FRMD4A: variants seen among roughly 807,000 people sequenced by gnomAD.
FRMD4A encodes the protein FERM domain-containing protein 4A.
A neutral mutation model predicts 129.1 loss-of-function variants in FRMD4A; 29 were observed. That is an observed-to-expected ratio of 0.22 (90% confidence interval 0.17 to 0.31). The LOEUF (loss-of-function observed/expected upper bound fraction) is 0.31. FRMD4A is among the 10% of genes least tolerant of loss of function. The pLI is 1.00. For missense variants in FRMD4A, 1,272 were observed against 1,375.8 expected (o/e 0.92, Z 1.19); for synonymous variants, 634 against 571.6 (o/e 1.11, Z -1.56).
chr10:14,243,923 T>A (rs1276404118), intron 2 of FRMD4A, among the ~76,000 whole-genome samples: 5 of 151,926 alleles, frequency 3.3e-5, no homozygotes, highest in Admixed American at 2.6e-4. Context: ...GTTGTATATC[T>A]AAAATAAAAG....
intron 2 of FRMD4A, among the ~76,000 whole-genome samples, chr10:13,922,612 C>G (rs1016864078): frequency 6.6e-6 from 1 of 152,234 alleles, no homozygotes; most frequent in African/African-American, 2.4e-5. Context: ...CAAACCTCTA[C>G]TTGAACTAGA....
At chr10:14,187,077 C>A (rs1392258728) in intron 2 of FRMD4A, among the ~76,000 whole-genome samples, 1 of 145,458 alleles carries the variant, frequency 6.9e-6, no homozygotes, top group Admixed American at 6.8e-5. Flanking sequence ...TGTGATCATG[C>A]CTTTGTACTC....
At chr10:13,902,021 ATTTG>A (rs1222459254) in intron 2 of FRMD4A, among the ~76,000 whole-genome samples, 1 of 152,012 alleles carries the variant, frequency 6.6e-6, no homozygotes, top group Non-Finnish European at 1.5e-5. Context: ...TTTTTTGTAT[ATTTG>A]TTTGTTTTAG....
intron 2 of FRMD4A, among the ~76,000 whole-genome samples, chr10:13,916,413 C>A (rs1589262060): frequency 6.6e-6 from 1 of 152,334 alleles, no homozygotes; most frequent in African/African-American, 2.4e-5. Flanking sequence ...TTTTGGGGAT[C>A]CCAGCCCAGG....
intron 12 of FRMD4A, among the ~76,000 whole-genome samples, chr10:13,715,417 G>A (rs2088683178): frequency 6.6e-6 from 1 of 152,192 alleles, no homozygotes; most frequent in Non-Finnish European, 1.5e-5. Flanking sequence ...GAATAGCATG[G>A]ATTAAAAGCA....
At chr10:13,716,197 T>G (rs2088786618) in intron 12 of FRMD4A, among the ~76,000 whole-genome samples, 1 of 152,194 alleles carries the variant, frequency 6.6e-6, no homozygotes, top group South Asian at 2.1e-4. Flanking sequence ...TTTGGGGTTG[T>G]TTATTCCTAG....
chr10:14,238,384 A>G (rs1843908708), intron 2 of FRMD4A, among the ~76,000 whole-genome samples: 1 of 152,240 alleles, frequency 6.6e-6, no homozygotes, highest in South Asian at 2.1e-4. Context: ...GAAATTCGAT[A>G]GTCACCAACT....
In FRMD4A at chr10:14,023,463, C is replaced by T. The variant is rs1407227928; in HGVS notation, c.46-164551G>A. Among the ~76,000 whole-genome samples the T allele has an allele frequency of 2.8e-4, 42 of 152,238 alleles. 1 individual carries two copies. The highest frequency in any genetic ancestry group is 2.6e-3 in the Admixed American group (39 of 15,290). The stretch of plus-strand genomic sequence containing the variant: ...TCCATAGCCTTCTCCAGCTGCGAGA[C>T]GCAGACTGGCGGGTCCTGGAAAGGT... On this transcript the variant is annotated intron_variant, in intron 2 of 24. Coordinates refer to ENST00000357447, the MANE Select transcript of FRMD4A (RefSeq NM_018027.5).
chr10:14,311,125 C>T (rs1846532659), intron 2 of FRMD4A, among the ~76,000 whole-genome samples: 1 of 152,128 alleles, frequency 6.6e-6, no homozygotes, highest in African/African-American at 2.4e-5. Flanking sequence ...CTCTGTGTGT[C>T]TGTGGCCACC....
At chr10:14,109,189 C>T (rs1016078407) in intron 2 of FRMD4A, among the ~76,000 whole-genome samples, 1 of 147,706 alleles carries the variant, frequency 6.8e-6, no homozygotes. Flanking sequence ...TAGGGAGATA[C>T]TGGTTGAATA....
intron 2 of FRMD4A, among the ~76,000 whole-genome samples, chr10:14,210,166 C>A (rs1426159380): frequency 6.6e-6 from 1 of 152,140 alleles, no homozygotes; most frequent in Non-Finnish European, 1.5e-5. Context: ...CCATTGAAAT[C>A]CTAACTCCCA....
intron 2 of FRMD4A, among the ~76,000 whole-genome samples, chr10:14,289,904 C>T (rs1397575849): frequency 1.3e-5 from 2 of 151,784 alleles, no homozygotes; most frequent in Non-Finnish European, 2.9e-5. Flanking sequence ...CAAATAAATG[C>T]ATAAAGTTGC....
intron 2 of FRMD4A, among the ~76,000 whole-genome samples, chr10:14,117,256 G>C (rs529639572): frequency 1.3e-5 from 2 of 152,256 alleles, no homozygotes. Context: ...GGCAGAGCCT[G>C]AACAGAGCCT....
chr10:13,964,674 G>T (rs202188114), intron 2 of FRMD4A, among the ~76,000 whole-genome samples: 31 of 128,284 alleles, frequency 2.4e-4, no homozygotes, highest in Admixed American at 3.0e-4. Context: ...CTCTTCTTTT[G>T]TTTTTTTTTT....
At chr10:14,102,930 G>A (rs1034864111) in intron 2 of FRMD4A, among the ~76,000 whole-genome samples, 1 of 152,180 alleles carries the variant, frequency 6.6e-6, no homozygotes, top group Non-Finnish European at 1.5e-5. Flanking sequence ...CAGTGATTAC[G>A]TGCATGGGAG....
chr10:13,966,661 T>G (rs1030438376), intron 2 of FRMD4A, among the ~76,000 whole-genome samples: 1 of 152,238 alleles, frequency 6.6e-6, no homozygotes, highest in African/African-American at 2.4e-5. Flanking sequence ...GGGACTGCTG[T>G]GCTGAGTGGC....
intron 15 of FRMD4A, chr10:13,692,276 G>A (rs957848927): frequency 1.3e-5 from 2 of 150,240 alleles, no homozygotes; most frequent in African/African-American, 4.9e-5. Flanking sequence ...AGCCTCCCAA[G>A]TAGTGGGCTT....
At chr10:13,671,487 A>G (rs1291616371) in intron 16 of FRMD4A, among the ~76,000 whole-genome samples, 3 of 152,190 alleles carry the variant, frequency 2.0e-5, no homozygotes, top group Admixed American at 2.0e-4. Context: ...GAAACTGAAC[A>G]TATAATCCAT....
chr10:14,236,836 A>T (rs1384717239), intron 2 of FRMD4A, among the ~76,000 whole-genome samples: 1 of 152,074 alleles, frequency 6.6e-6, no homozygotes, highest in Non-Finnish European at 1.5e-5. Flanking sequence ...CGTTTCAAGG[A>T]GGATCCACCC....
Sources: allele counts gnomAD v4.1 joint callset (sites outside exome capture counted in the v4.1 genomes callset), GRCh38; gene constraint gnomAD v4.1.1; transcripts MANE v1.5; gene names NCBI Gene and HGNC (gene_info 2026-07-23, HGNC 2026-07-21).